The following TRPV5 variants were observed in gnomAD, a reference collection of about 807,000 sequenced individuals.
TRPV5 encodes the protein calcium transport protein 2.
A neutral mutation model predicts 74.1 loss-of-function variants in TRPV5; 66 were observed. That is an observed-to-expected ratio of 0.89 (90% CI 0.73 to 1.09). TRPV5 has a LOEUF of 1.09. Among genes scored for constraint, TRPV5 ranks in the 50% least tolerant of loss-of-function variants. TRPV5 has a pLI of 0.00. For missense variants in TRPV5, 936 were observed against 930.4 expected, an observed-to-expected ratio of 1.01 and a Z score of -0.08; for synonymous variants, 399 against 360.7, an observed-to-expected ratio of 1.11 and a Z score of -1.20.
At position 142,933,451 on chromosome 7, in the gene TRPV5, AC is replaced by A. The variant is rs1796132216; in HGVS notation, c.8del (p.Gly3ValfsTer43). The A allele has an allele frequency of 1.2e-6, 2 of 1,612,826 alleles. No homozygotes were observed. The highest frequency in any genetic ancestry group is 1.7e-6 in the Non-Finnish European group (2 of 1,179,568). On this transcript the variant is annotated frameshift_variant, in exon 1 of 15. Transcript: ENST00000265310. LOFTEE classifies it high-confidence loss of function. ...CGGGCCCTTCTGCCTTAGGTAGAAA[AC>A]CCCCCATGTCTTCTCCTTGCAGACA... Reference protein sequence around the residue: MGGFLPKAEGPGS... With the variant: MGXFLPKAEGPGS...
intron 8 of TRPV5, chr7:142,924,828 C>T (rs528320735): frequency 4.6e-5 from 7 of 152,644 alleles, no homozygotes; most frequent in African/African-American, 1.2e-4. Context: ...CAGAAGTGCT[C>T]ATTAGAGTCT....
At chr7:142,929,837 C>T (rs1796054249) in intron 3 of TRPV5, among the ~76,000 whole-genome samples, 1 of 152,118 alleles carries the variant, frequency 6.6e-6, no homozygotes, top group Admixed American at 6.5e-5. Flanking sequence ...GAGATAGGTC[C>T]TACAGGGACT....
intron 13 of TRPV5, among the ~76,000 whole-genome samples, chr7:142,910,367 G>A (rs1276203386): frequency 6.6e-6 from 1 of 152,074 alleles, no homozygotes; most frequent in African/African-American, 2.4e-5. Context: ...GCTTAATAAG[G>A]GCCATTTGTA....
At chr7:142,931,738 A>G (rs939589315) in intron 1 of TRPV5, among the ~76,000 whole-genome samples, 1 of 152,000 alleles carries the variant, frequency 6.6e-6, no homozygotes, top group African/African-American at 2.4e-5. Context: ...GTCTCACTCT[A>G]TTGCCCAGAC....
chr7:142,908,807 C>A lies in TRPV5; in HGVS notation c.1897G>T (p.Val633Phe), dbSNP rs767160383. The A allele has an allele frequency of 1.2e-6, 2 of 1,608,316 alleles. No individual in the cohort carries two copies. Among genetic ancestry groups the A allele is most frequent in the Non-Finnish European group, 1.7e-6 (2 of 1,177,188 alleles). Residue 633 changes from valine to phenylalanine, a missense_variant and splice_region_variant, in exon 15 of 15, where the codon GTT becomes TTT. By Grantham distance (50) the Val-to-Phe change is conservative (BLOSUM62 -1). Coordinates refer to ENST00000265310, the MANE Select transcript of TRPV5 (RefSeq NM_019841.7). ...GGATTCTGATCATTGTGGTTCTCAA[C>A]CCTGATAAGGGGAAAGGGGAAAGGA... Reference protein sequence around the residue: ...FGLGDRWFLRVENHNDQNPLR... With the variant: ...FGLGDRWFLRFENHNDQNPLR...
intron 8 of TRPV5, among the ~76,000 whole-genome samples, chr7:142,917,058 T>G (rs1005430038): frequency 2.0e-5 from 3 of 152,014 alleles, no homozygotes; most frequent in Non-Finnish European, 2.9e-5. Flanking sequence ...TTCTATTTTT[T>G]TGTGTGTCTG....
intron 13 of TRPV5, among the ~76,000 whole-genome samples, chr7:142,910,576 A>G (rs1382658948): frequency 6.6e-6 from 1 of 152,232 alleles, no homozygotes; most frequent in Non-Finnish European, 1.5e-5. Flanking sequence ...TCCTAATTGA[A>G]GGAGTGCAAT....
rs146813276 is a variant in TRPV5, at chr7:142,928,225, G to A, written c.772C>T (p.His258Tyr). ...GVEGNTVMFQ[H>Y]LMQKRRHIQW... ...ATGTGCCTCCGCTTCTGCATCAGGT[G>A]CTGGAACATCTGAGAGACCACCAGG... is the stretch of plus-strand genomic sequence containing the variant. The change falls in exon 7 of 15, where the codon CAC becomes TAC. Residue 258 changes from histidine to tyrosine, a missense_variant. Physicochemically the swap from His to Tyr is moderately conservative, Grantham distance 83 (BLOSUM62 2). Coordinates refer to ENST00000265310, the MANE Select transcript of TRPV5 (RefSeq NM_019841.7). 3 of 1,614,186 alleles carry A rather than the reference G, an allele frequency of 1.9e-6. No individual in the cohort carries two copies. Among genetic ancestry groups the A allele is most frequent in the East Asian group, 2.2e-5 (1 of 44,874 alleles).
At chr7:142,924,243 TAC>T (rs1244726505) in intron 8 of TRPV5, among the ~76,000 whole-genome samples, 13 of 125,592 alleles carry the variant, frequency 1.0e-4, no homozygotes, top group African/African-American at 4.7e-4. Flanking sequence ...TATATATATA[TAC>T]ATATACATGT....
Position 142,930,070 on chromosome 7 carries a change from C to T in TRPV5, c.337G>A (p.Glu113Lys), listed in dbSNP as rs1796059437. 6.2e-7 allele frequency: 1 copy of T among 1,614,076 alleles called. No individual in the cohort carries two copies. The highest frequency in any genetic ancestry group is 2.2e-5 in the East Asian group (1 of 44,876). Residue 113 changes from glutamate (E) to lysine (K), a missense_variant, in exon 3 of 15, where the codon GAG becomes AAG. Coordinates refer to ENST00000265310, the MANE Select transcript of TRPV5 (RefSeq NM_019841.7). Reference protein sequence around the residue: ...PELVFEPTTCEAFAGQTALHI... With the variant: ...PELVFEPTTCKAFAGQTALHI... The stretch of plus-strand genomic sequence containing the variant: ...GTAGGCTCCTTACCTGCAAAAGCCT[C>T]ACATGTGGTGGGCTCAAAGACCAGC...
chr7:142,924,277 TATAC>T (rs1795935563), intron 8 of TRPV5, among the ~76,000 whole-genome samples: 12 of 111,496 alleles, frequency 1.1e-4, no homozygotes, highest in African/African-American at 4.8e-4. Context: ...TATATATATA[TATAC>T]ATATACATGT....
At chr7:142,909,638 C>A in intron 13 of TRPV5, 42 bp from the exon 14 acceptor site, 1 of 1,599,374 alleles carries the variant, frequency 6.3e-7, no homozygotes, top group Non-Finnish European at 8.5e-7. Context: ...CTGAAAGAGC[C>A]ATGAGGTTCA....
intron 2 of TRPV5, 49 bp downstream of exon 2, chr7:142,930,300 G>C: frequency 6.2e-7 from 1 of 1,609,106 alleles, no homozygotes; most frequent in South Asian, 1.1e-5. Flanking sequence ...TGGGGAGGAG[G>C]AGTAGGTTCT....
chr7:142,913,139 T>C (rs1435530700), intron 12 of TRPV5, among the ~76,000 whole-genome samples: 1 of 152,124 alleles, frequency 6.6e-6, no homozygotes, highest in Non-Finnish European at 1.5e-5. Context: ...ATGTATGGAA[T>C]CCTCAACAAT....
Position 142,930,182 on chromosome 7 carries a change from T to C in TRPV5, c.227-2A>G. 1 of 1,611,848 alleles carries C rather than the reference T, an allele frequency of 6.2e-7. No individual in the cohort carries two copies. The highest frequency in any genetic ancestry group is 8.5e-7 in the Non-Finnish European group (1 of 1,179,416). ...GCAGCGCCGTCTCCCCCAGGGCTCC[T>C]GGATTGGAGTAAGACAGAGATGTTA... On this transcript the variant is annotated splice_acceptor_variant, in intron 2 of 14. Transcript: ENST00000265310. LOFTEE classifies it high-confidence loss of function.
chr7:142,909,491 G>A lies in TRPV5; in HGVS notation c.1894C>T (p.Arg632Trp), dbSNP rs1261620650. Reference sequence around the variant, plus strand: ...TTGCATGTGCACACCATCACTCACCGCAGGAACCAGCGGTCCCCCAGCCCG... The same window carrying A: ...TTGCATGTGCACACCATCACTCACCACAGGAACCAGCGGTCCCCCAGCCCG... Reference protein sequence around the residue: ...EFGLGDRWFLRVENHNDQNPL... With the variant: ...EFGLGDRWFLWVENHNDQNPL... The change falls in exon 14 of 15, where the codon CGG becomes TGG. Residue 632 changes from arginine (R) to tryptophan (W), a missense_variant and splice_region_variant. Arg to Trp is a moderately radical substitution (Grantham distance 101). Transcript: ENST00000265310. 15 of 1,613,522 alleles carry A rather than the reference G, an allele frequency of 9.3e-6. No individual in the cohort carries two copies. Among genetic ancestry groups the A allele is most frequent in the Non-Finnish European group, 1.1e-5 (13 of 1,179,984 alleles).
chr7:142,932,026 G>A (rs996811087), intron 1 of TRPV5, among the ~76,000 whole-genome samples: 4 of 152,172 alleles, frequency 2.6e-5, no homozygotes, highest in Non-Finnish European at 5.9e-5. Context: ...TAAAGAAGAA[G>A]CTTTTAATCT....
chr7:142,912,893 C>T (rs1231468182), intron 12 of TRPV5, 143 bp from the exon 13 acceptor site: 6 of 744,858 alleles, frequency 8.1e-6, no homozygotes, highest in Non-Finnish European at 1.0e-5. Context: ...AATACACTTG[C>T]ACACATGCAC....
Position 142,925,574 on chromosome 7 carries a change from G to A in TRPV5, c.1077C>T (p.Arg359=). Residue 359 remains arginine (R), a synonymous_variant, in exon 8 of 15, where the codon CGC becomes CGT. Coordinates refer to ENST00000265310, the MANE Select transcript of TRPV5 (RefSeq NM_019841.7). ...YRPLKFRGGN[R]THSRDITILQ... ...GGATGGTGATGTCTCGAGAATGAGT[G>A]CGGTTGCCACCACGAAACTTAAGGG... 1 of 1,614,194 alleles carries A rather than the reference G, an allele frequency of 6.2e-7. No homozygotes were observed. Among genetic ancestry groups the A allele is most frequent in the Non-Finnish European group, 8.5e-7 (1 of 1,180,032 alleles).
Sources: gnomAD v4.1 joint callset for allele counts (sites outside exome capture counted in the v4.1 genomes callset) on GRCh38, gnomAD v4.1.1 for gene constraint, MANE v1.5 for transcripts, NCBI Gene and HGNC (gene_info 2026-07-23, HGNC 2026-07-21) for gene names.